The following PDCD6IP variants were observed in gnomAD, a reference collection of about 807,000 sequenced individuals.
PDCD6IP encodes programmed cell death 6 interacting protein.
In PDCD6IP, 43 loss-of-function variants were observed where a neutral mutation model predicts 103.7. The observed-to-expected ratio is 0.41, with a 90% CI of 0.32 to 0.53. PDCD6IP has a LOEUF of 0.53. Ranked by LOEUF, PDCD6IP falls within the 20% of genes least tolerant of loss-of-function variation. PDCD6IP has a pLI of 0.16. For synonymous variants in PDCD6IP, 354 were observed against 378.7 expected, an observed-to-expected ratio of 0.93 and a Z score of 0.76; for missense variants, 871 against 1,036.7, an observed-to-expected ratio of 0.84 and a Z score of 2.20.
At chr3:33,815,178 A>T (rs1484974813) in intron 3 of PDCD6IP, among the ~76,000 whole-genome samples, 2 of 150,334 alleles carry the variant, frequency 1.3e-5, no homozygotes, top group East Asian at 3.9e-4. Flanking sequence ...AGTAGATATT[A>T]TATATAATGT....
chr3:33,804,376 A>G (rs1696545299), intron 1 of PDCD6IP, among the ~76,000 whole-genome samples: 1 of 152,194 alleles, frequency 6.6e-6, no homozygotes, highest in African/African-American at 2.4e-5. Context: ...CTGTCTCAAT[A>G]TTGAGATAAT....
chr3:33,812,368 A>G (rs1696738996), intron 2 of PDCD6IP, among the ~76,000 whole-genome samples: 1 of 152,164 alleles, frequency 6.6e-6, no homozygotes, highest in Non-Finnish European at 1.5e-5. Context: ...ACTTCATTTT[A>G]TGTCAGTAGG....
chr3:33,835,276 AG>A, intron 7 of PDCD6IP: 1 of 456,706 alleles, frequency 2.2e-6, no homozygotes, highest in Non-Finnish European at 4.4e-6. Flanking sequence ...ACTGAGAGTT[AG>A]GCCGTTTGAG....
At chr3:33,850,461 GTAAC>G (rs1697689755) in intron 12 of PDCD6IP, among the ~76,000 whole-genome samples, 1 of 151,940 alleles carries the variant, frequency 6.6e-6, no homozygotes, top group Non-Finnish European at 1.5e-5. Flanking sequence ...CTTGCTGTAA[GTAAC>G]CATATTCGTT....
chr3:33,825,419 T>TA, intron 5 of PDCD6IP, 79 bp downstream of exon 5: 1 of 1,242,594 alleles, frequency 8.0e-7, no homozygotes, highest in South Asian at 1.5e-5. Flanking sequence ...TAGAATATAA[T>TA]ATGTTCAATG....
At chr3:33,858,690 A>T (rs1293684972) in intron 15 of PDCD6IP, among the ~76,000 whole-genome samples, 1 of 151,970 alleles carries the variant, frequency 6.6e-6, no homozygotes, top group Non-Finnish European at 1.5e-5. Context: ...GGCGCCTGTA[A>T]TCCCAGCTAC....
At chr3:33,808,866 C>T (rs939011680) in intron 1 of PDCD6IP, among the ~76,000 whole-genome samples, 1 of 152,196 alleles carries the variant, frequency 6.6e-6, no homozygotes, top group Non-Finnish European at 1.5e-5. Flanking sequence ...TCATCACTTA[C>T]TATTTTCTCC....
chr3:33,798,846 T>C lies in PDCD6IP; in HGVS notation c.118T>C (p.Cys40Arg), dbSNP rs765074768. 8 of 1,555,240 alleles carry C rather than the reference T, an allele frequency of 5.1e-6. No individual in the cohort carries two copies. The highest frequency in any genetic ancestry group is 4.7e-5 in the South Asian group (4 of 84,312). ...CGGCGGGGAAGAGCAGGCCCAGTAC[T>C]GCCGCGCGGCGGAGGAGCTCAGCAA... The part of the protein sequence containing the change: ...PSGGEEQAQY[C>R]RAAEELSKLR... Residue 40 changes from cysteine to arginine, a missense_variant, in exon 1 of 18, where the codon TGC becomes CGC. Physicochemically the swap from Cys to Arg is radical, Grantham distance 180. This residue lies in a region of PDCD6IP where 114 missense variants were observed against 106.7 expected (regional missense o/e 1.07). Coordinates refer to ENST00000307296, the MANE Select transcript of PDCD6IP (RefSeq NM_013374.6).
At chr3:33,799,962 T>C (rs1696433903) in intron 1 of PDCD6IP, among the ~76,000 whole-genome samples, 2 of 151,588 alleles carry the variant, frequency 1.3e-5, no homozygotes, top group South Asian at 4.2e-4. Flanking sequence ...CTACTAAAAA[T>C]ACAACAAATT....
chr3:33,864,226 T>C, intron 16 of PDCD6IP, 97 bp downstream of exon 16: 1 of 756,100 alleles, frequency 1.3e-6, no homozygotes, highest in Non-Finnish European at 2.2e-6. Context: ...AAGGATCTAG[T>C]GGTTACCACC....
At chr3:33,864,230 TACC>T in intron 16 of PDCD6IP, 101 bp downstream of exon 16, 1 of 723,624 alleles carries the variant, frequency 1.4e-6, no homozygotes, top group Non-Finnish European at 2.4e-6. Flanking sequence ...ATCTAGTGGT[TACC>T]ACCTGCATCA....
At chr3:33,820,779 A>C (rs2125553108) in intron 3 of PDCD6IP, among the ~76,000 whole-genome samples, 1 of 152,252 alleles carries the variant, frequency 6.6e-6, no homozygotes, top group South Asian at 2.1e-4. Context: ...TATATACCAC[A>C]TTTTGTTTAT....
chr3:33,838,368 G>C (rs1284376395), intron 9 of PDCD6IP, 41 bp downstream of exon 9: 1 of 1,545,418 alleles, frequency 6.5e-7, no homozygotes, highest in Non-Finnish European at 8.9e-7. Context: ...TTTTCCGTTT[G>C]GTTGTTCTTT....
At chr3:33,808,386 A>G (rs565810083) in intron 1 of PDCD6IP, among the ~76,000 whole-genome samples, 1 of 151,950 alleles carries the variant, frequency 6.6e-6, no homozygotes, top group Non-Finnish European at 1.5e-5. Flanking sequence ...TGATCCTCCC[A>G]CCTTATCCCG....
chr3:33,817,874 T>A (rs1696889751), intron 3 of PDCD6IP, among the ~76,000 whole-genome samples: 1 of 151,830 alleles, frequency 6.6e-6, no homozygotes, highest in Non-Finnish European at 1.5e-5. Context: ...TTTGAAAACC[T>A]GGTTTAAGTT....
chr3:33,826,473 A>G lies in PDCD6IP; in HGVS notation c.617-7A>G, dbSNP rs1050461769. 3.2e-6 allele frequency: 5 copies of G among 1,586,590 alleles called. No homozygotes were observed. The African/African-American group carries it at 4.0e-5, about 13-fold the overall frequency. On this transcript the variant is annotated splice_region_variant and splice_polypyrimidine_tract_variant and intron_variant, in intron 5 of 17. Transcript: ENST00000307296. Reference sequence around the variant, plus strand: ...ATTTTAATTATAATGGTCATATTGTATTCCAGATAAAATGAAAGATGCCAT... The same window carrying G: ...ATTTTAATTATAATGGTCATATTGTGTTCCAGATAAAATGAAAGATGCCAT...
At chr3:33,862,199 CTTAT>C (rs1036729376) in intron 15 of PDCD6IP, among the ~76,000 whole-genome samples, 1 of 149,386 alleles carries the variant, frequency 6.7e-6, no homozygotes, top group African/African-American at 2.5e-5. Flanking sequence ...TGATTAAAAA[CTTAT>C]TTATTTTATA....
intron 7 of PDCD6IP, among the ~76,000 whole-genome samples, chr3:33,833,161 A>T (rs1443447881): frequency 6.6e-6 from 1 of 152,124 alleles, no homozygotes; most frequent in African/African-American, 2.4e-5. Context: ...ACAAAAATTT[A>T]AAAAATTAAG....
chr3:33,835,997 A>G, intron 7 of PDCD6IP, 47 bp from the exon 8 acceptor site: 3 of 1,044,198 alleles, frequency 2.9e-6, no homozygotes, highest in African/African-American at 1.6e-5. Context: ...GAGAAATAAA[A>G]TCACCTCCCT....
Sources: gnomAD v4.1 joint callset for allele counts (sites outside exome capture counted in the v4.1 genomes callset) on GRCh38, gnomAD v4.1.1 for gene constraint, gnomAD v4.1.1 regional missense constraint, MANE v1.5 for transcripts, NCBI Gene and HGNC (gene_info 2026-07-23, HGNC 2026-07-21) for gene names.